HACE1: variants seen among roughly 807,000 people sequenced by gnomAD.
The protein encoded by HACE1 is E3 ubiquitin-protein ligase HACE1.
In HACE1, 73 loss-of-function variants were observed where a neutral mutation model predicts 118.4. The observed-to-expected ratio is 0.62, with a 90% confidence interval of 0.51 to 0.75. HACE1 has a LOEUF of 0.75. HACE1 is among the 30% of genes least tolerant of loss of function. The probability of loss-of-function intolerance (pLI) is 0.00; values close to 1 mark genes in which losing one functional copy is unlikely to be tolerated. For synonymous variants in HACE1, 368 were observed against 374.8 expected, an observed-to-expected ratio of 0.98 and a Z score of 0.21; for missense variants, 749 against 1,102.2, an observed-to-expected ratio of 0.68 and a Z score of 4.54.
intron 17 of HACE1, among the ~76,000 whole-genome samples, chr6:104,774,517 T>G (rs1399187854): frequency 6.6e-6 from 1 of 152,056 alleles, no homozygotes; most frequent in Non-Finnish European, 1.5e-5. Context: ...ACCAAGTAGC[T>G]GGGACTACAA....
At chr6:104,731,634 G>A (rs761412785) in intron 22 of HACE1, 2 of 152,002 alleles carry the variant, frequency 1.3e-5, no homozygotes, top group Non-Finnish European at 2.9e-5. Context: ...TCTTTTCAAC[G>A]AAGTGTGTTG....
intron 22 of HACE1, chr6:104,732,418 C>G (rs1425668830): frequency 2.6e-5 from 4 of 152,098 alleles, no homozygotes; most frequent in Non-Finnish European, 5.9e-5. Flanking sequence ...TCTAGAAGAC[C>G]TTATGCTAAG....
chr6:104,852,195 C>CTGTGTGTGTGTG (rs201776642), intron 2 of HACE1, 122 bp downstream of exon 2: 12 of 553,920 alleles, frequency 2.2e-5, no homozygotes, highest in Middle Eastern at 3.3e-4. Flanking sequence ...TATGTCCAAA[C>CTGTGTGTGTGTG]TGTCTGTGTG....
At chr6:104,821,809 G>A (rs949064487) in intron 6 of HACE1, among the ~76,000 whole-genome samples, 6 of 151,996 alleles carry the variant, frequency 3.9e-5, no homozygotes, top group African/African-American at 1.2e-4. Flanking sequence ...TAGTACTAAC[G>A]GCTAATCTGA....
Position 104,776,795 on chromosome 6 carries a change from G to A in HACE1, c.1810C>T (p.Leu604=). ...TCAGGATTGACTATCTCATTGGACA[G>A]AATATCAAACCACTCACGCACAACA... The part of the protein sequence containing the change: ...QGVVREWFDI[L]SNEIVNPDYA... Residue 604 remains leucine (L), a synonymous_variant, in exon 17 of 24, where the codon CTG becomes TTG. Transcript: ENST00000262903. 1.2e-6 allele frequency: 2 copies of A among 1,610,392 alleles called. No homozygotes were observed. The highest frequency in any genetic ancestry group is 8.5e-7 in the Non-Finnish European group (1 of 1,176,704).
Position 104,859,772 on chromosome 6 carries a change from G to T in HACE1, c.-130C>A. 1.2e-6 allele frequency: 1 copy of T among 811,234 alleles called. No homozygotes were observed. The highest frequency in any genetic ancestry group is 1.9e-6 in the Non-Finnish European group (1 of 535,424). 50.3% of individuals were successfully genotyped at this position (811,234 alleles called of 1,614,324 possible). A position where few individuals can be genotyped will look rare whatever the true frequency, so the allele number is the denominator to read the frequency against. On this transcript the variant is annotated 5_prime_UTR_variant, in exon 1 of 24. Transcript: ENST00000262903. ...GGGCTTGCCCCGGCTAGAGCACTGA[G>T]CTGCGAGGGCTGCCTGGGGCCACGT...
chr6:104,757,145 A>T (rs9499953), intron 19 of HACE1, among the ~76,000 whole-genome samples: 321 of 152,304 alleles, frequency 2.1e-3, no homozygotes, highest in African/African-American at 7.4e-3. Flanking sequence ...GACGTACCTG[A>T]ACAAAAGGCA....
At chr6:104,841,761 A>G (rs957058576) in intron 5 of HACE1, among the ~76,000 whole-genome samples, 5 of 152,200 alleles carry the variant, frequency 3.3e-5, no homozygotes, top group African/African-American at 1.2e-4. Context: ...AAAGGAATGT[A>G]TAATTTAATA....
chr6:104,837,600 C>T (rs1171843180), intron 5 of HACE1, among the ~76,000 whole-genome samples: 1 of 152,096 alleles, frequency 6.6e-6, no homozygotes, highest in Non-Finnish European at 1.5e-5. Flanking sequence ...GTTCTTGATA[C>T]CAAAAGCATG....
intron 4 of HACE1, 148 bp downstream of exon 4, chr6:104,848,994 A>G (rs1344822683): frequency 3.1e-6 from 2 of 636,928 alleles, no homozygotes; most frequent in African/African-American, 3.7e-5. Flanking sequence ...TGAGAGACAA[A>G]AAAAATATAG....
At chr6:104,769,503 T>G (rs925982102) in intron 19 of HACE1, among the ~76,000 whole-genome samples, 10 of 152,154 alleles carry the variant, frequency 6.6e-5, no homozygotes, top group African/African-American at 2.4e-4. Context: ...ATAATAAACA[T>G]GCTACAAGGT....
chr6:104,743,733 G>C (rs1255576955), intron 22 of HACE1, among the ~76,000 whole-genome samples: 2 of 151,974 alleles, frequency 1.3e-5, no homozygotes, highest in African/African-American at 4.8e-5. Context: ...AGTTTACTTT[G>C]AATTACAGAA....
chr6:104,764,768 A>G (rs1413375509), intron 19 of HACE1, among the ~76,000 whole-genome samples: 2 of 152,216 alleles, frequency 1.3e-5, no homozygotes, highest in East Asian at 3.8e-4. Flanking sequence ...TTCACTAACA[A>G]ACTCTGAAGG....
chr6:104,789,653 A>T (rs1782807719), intron 11 of HACE1, among the ~76,000 whole-genome samples: 1 of 152,146 alleles, frequency 6.6e-6, no homozygotes, highest in Non-Finnish European at 1.5e-5. Context: ...ATATTTTCTG[A>T]TATTAGCTAA....
chr6:104,816,051 C>T (rs1478754978), intron 6 of HACE1, among the ~76,000 whole-genome samples: 2 of 148,862 alleles, frequency 1.3e-5, no homozygotes, highest in Non-Finnish European at 3.0e-5. Context: ...CCAGCCTGGG[C>T]GACAAGAGCA....
chr6:104,831,818 G>A (rs559889795), intron 6 of HACE1, among the ~76,000 whole-genome samples: 104 of 151,614 alleles, frequency 6.9e-4, no homozygotes, highest in Non-Finnish European at 8.0e-4. Context: ...GCATGAACCC[G>A]GGAGGCGGAG....
intron 1 of HACE1, among the ~76,000 whole-genome samples, chr6:104,856,237 C>CA (rs897646984): frequency 2.2e-4 from 34 of 151,388 alleles, no homozygotes; most frequent in African/African-American, 5.6e-4. Context: ...CAACTGTTAA[C>CA]AAAAAAAAGG....
intron 19 of HACE1, among the ~76,000 whole-genome samples, chr6:104,752,775 C>T (rs1302507365): frequency 6.6e-6 from 1 of 151,770 alleles, no homozygotes; most frequent in African/African-American, 2.4e-5. Context: ...TACTCTTTAT[C>T]ACACTTTTCC....
intron 22 of HACE1, among the ~76,000 whole-genome samples, chr6:104,734,822 G>A (rs1379530748): frequency 6.6e-6 from 1 of 152,076 alleles, no homozygotes; most frequent in Non-Finnish European, 1.5e-5. Context: ...CCACCTAAGA[G>A]ACAACTTAGT....
Sources: gnomAD v4.1 joint callset for allele counts (sites outside exome capture counted in the v4.1 genomes callset) on GRCh38, gnomAD v4.1.1 for gene constraint, MANE v1.5 for transcripts, NCBI Gene and HGNC (gene_info 2026-07-23, HGNC 2026-07-21) for gene names.